ERC1: variants seen among roughly 807,000 people sequenced by gnomAD.
ERC1 encodes the protein RAB6 interacting protein 2.
Under a neutral mutation model 132.0 loss-of-function variants are expected in ERC1, and 56 were observed. The observed-to-expected ratio is 0.42, with a 90% CI of 0.34 to 0.53. ERC1 has a LOEUF of 0.53. Ranked by LOEUF, ERC1 falls within the 20% of genes least tolerant of loss-of-function variation. ERC1 has a pLI of 0.03. For missense variants in ERC1, 1,202 were observed against 1,349.9 expected (o/e 0.89, Z 1.72); for synonymous variants, 478 against 476.1 (o/e 1.00, Z -0.05).
chr12:1,140,290 C>T (rs1405524966), intron 7 of ERC1, among the ~76,000 whole-genome samples: 2 of 152,122 alleles, frequency 1.3e-5, no homozygotes, highest in Non-Finnish European at 2.9e-5. Context: ...AGTACCACCG[C>T]ACACACAGTA....
chr12:1,004,930 G>A (rs925280971), intron 1 of ERC1, among the ~76,000 whole-genome samples: 3 of 151,558 alleles, frequency 2.0e-5, no homozygotes, highest in African/African-American at 7.3e-5. Context: ...AAGAAAGACC[G>A]TATTTAACTT....
intron 12 of ERC1, among the ~76,000 whole-genome samples, chr12:1,221,478 A>G (rs965861674): frequency 3.9e-5 from 6 of 152,200 alleles, no homozygotes; most frequent in African/African-American, 7.2e-5. Context: ...TTGATCATTT[A>G]AAGTATTTTT....
chr12:1,287,268 C>G (rs1327653366), intron 14 of ERC1, among the ~76,000 whole-genome samples: 1 of 152,184 alleles, frequency 6.6e-6, no homozygotes, highest in African/African-American at 2.4e-5. Flanking sequence ...GGATTAAGGA[C>G]TAAACATGAA....
At chr12:1,347,520 A>G (rs567232694) in intron 15 of ERC1, among the ~76,000 whole-genome samples, 1 of 152,218 alleles carries the variant, frequency 6.6e-6, no homozygotes, top group Non-Finnish European at 1.5e-5. Context: ...TTCAAGATGT[A>G]GTAATTTCTA....
At chr12:1,310,625 G>A (rs931223960) in intron 15 of ERC1, among the ~76,000 whole-genome samples, 1 of 152,230 alleles carries the variant, frequency 6.6e-6, no homozygotes, top group Non-Finnish European at 1.5e-5. Context: ...GCTCTAAAGG[G>A]TACTGCATAC....
chr12:1,363,638 T>G (rs1055490295), intron 15 of ERC1, among the ~76,000 whole-genome samples: 34 of 141,820 alleles, frequency 2.4e-4, no homozygotes, highest in African/African-American at 8.5e-4. Context: ...CACTGCAGCC[T>G]CGACCTCCTG....
intron 12 of ERC1, among the ~76,000 whole-genome samples, chr12:1,197,816 A>G (rs961265092): frequency 6.6e-6 from 1 of 152,240 alleles, no homozygotes; most frequent in Non-Finnish European, 1.5e-5. Context: ...GTATCACTTA[A>G]CATACCACAG....
chr12:1,077,531 G>C (rs1211381780), intron 2 of ERC1, among the ~76,000 whole-genome samples: 1 of 152,244 alleles, frequency 6.6e-6, no homozygotes, highest in South Asian at 2.1e-4. Context: ...TGTAATAATA[G>C]TACAGTCCCT....
rs539803095 is a variant in ERC1, at chr12:1,393,011, G to A, written c.2926-15138G>A. ...AGTCAGAGTATAGGAGAAAAAAATG[G>A]TATTGGAGAGTTTGGCCTTATATCA... is the stretch of plus-strand genomic sequence containing the variant. On this transcript the variant is annotated intron_variant, in intron 16 of 18. Coordinates refer to ENST00000360905, the MANE Select transcript of ERC1 (RefSeq NM_178040.4). 1.1e-4 allele frequency among the ~76,000 whole-genome samples: 16 copies of A among 152,284 alleles called. No homozygotes were observed. The South Asian group carries it at 1.5e-3, about 14-fold the overall frequency.
At chr12:996,562 C>T (rs1477062815) in intron 1 of ERC1, among the ~76,000 whole-genome samples, 1 of 152,024 alleles carries the variant, frequency 6.6e-6, no homozygotes, top group Non-Finnish European at 1.5e-5. Context: ...CACTGCACTC[C>T]AGCCTGGGCT....
At chr12:1,442,616 T>C (rs1441719211) in intron 17 of ERC1, among the ~76,000 whole-genome samples, 1 of 152,254 alleles carries the variant, frequency 6.6e-6, no homozygotes, top group Non-Finnish European at 1.5e-5. Flanking sequence ...TCTGATCTTT[T>C]TAGCAAGCTG....
chr12:1,115,928 G>A lies in ERC1; in HGVS notation c.1464G>A (p.Lys488=), dbSNP rs934037406. 1.9e-6 allele frequency: 3 copies of A among 1,614,030 alleles called. No individual in the cohort carries two copies. In the South Asian group the frequency reaches 3.3e-5, roughly 18 times the overall value. ...KDTELLALQT[K]LETLTNQFSD... ...CAGAACTACTCGCCCTGCAGACAAA[G>A]CTAGAAACACTCACAAACCAGTTCT... The change falls in exon 7 of 19, where the codon AAG becomes AAA. Residue 488 remains lysine (K), a synonymous_variant. Coordinates refer to ENST00000360905, the MANE Select transcript of ERC1 (RefSeq NM_178040.4).
rs570234897 is a variant in ERC1, at chr12:1,224,256, C to T, written c.2352-12513C>T. ...ATTCATAAAACCATGTGCATGCACA[C>T]ACACACGTACACAGACAGACACGCA... On this transcript the variant is annotated intron_variant, in intron 12 of 18. Transcript: ENST00000360905. Among the ~76,000 whole-genome samples the T allele has an allele frequency of 2.8e-3, 428 of 152,278 alleles. 6 individuals carry two copies. The highest frequency in any genetic ancestry group is 8.2e-4 in the Non-Finnish European group (56 of 68,022).
intron 17 of ERC1, among the ~76,000 whole-genome samples, chr12:1,416,560 A>C (rs1408064127): frequency 6.6e-6 from 1 of 152,232 alleles, no homozygotes; most frequent in African/African-American, 2.4e-5. Flanking sequence ...GGAGCTCACA[A>C]GAACAGTTAC....
chr12:1,165,555 C>G (rs1289005312), intron 8 of ERC1, among the ~76,000 whole-genome samples: 4 of 152,032 alleles, frequency 2.6e-5, no homozygotes, highest in Non-Finnish European at 4.4e-5. Context: ...ATCCACCCGC[C>G]TCGGCCTCCC....
intron 11 of ERC1, among the ~76,000 whole-genome samples, chr12:1,184,141 A>C (rs999262513): frequency 2.6e-4 from 32 of 122,864 alleles, no homozygotes; most frequent in African/African-American, 7.7e-4. Flanking sequence ...ATCTCACAAA[A>C]AAAAAAAAAA....
intron 15 of ERC1, among the ~76,000 whole-genome samples, chr12:1,350,489 A>G (rs967771569): frequency 3.3e-5 from 5 of 152,182 alleles, no homozygotes; most frequent in Admixed American, 2.6e-4. Context: ...CTCATGATTT[A>G]TTTATGCCAT....
intron 14 of ERC1, among the ~76,000 whole-genome samples, chr12:1,274,480 TTTTATTTATTTATTTA>T (rs368234236): frequency 6.7e-6 from 1 of 150,136 alleles, no homozygotes; most frequent in Non-Finnish European, 1.5e-5. Flanking sequence ...TTTTATTTTA[TTTTATTTATTTATTTA>T]TTTATTTATT....
At chr12:1,136,307 G>C (rs1949245725) in intron 7 of ERC1, among the ~76,000 whole-genome samples, 1 of 152,126 alleles carries the variant, frequency 6.6e-6, no homozygotes, top group Non-Finnish European at 1.5e-5. Context: ...TGGTATCTCT[G>C]CTCAAAGGTT....
Sources: gnomAD v4.1 joint callset for allele counts (sites outside exome capture counted in the v4.1 genomes callset) on GRCh38, gnomAD v4.1.1 for gene constraint, MANE v1.5 for transcripts, NCBI Gene and HGNC (gene_info 2026-07-23, HGNC 2026-07-21) for gene names.